The following TTLL11 variants were observed in gnomAD, a reference collection of about 807,000 sequenced individuals.
TTLL11 encodes the protein tubulin polyglutamylase TTLL11.
Under a neutral mutation model 51.7 loss-of-function variants are expected in TTLL11, and 42 were observed. The observed-to-expected ratio is 0.81, with a 90% CI of 0.64 to 1.05. TTLL11 has a LOEUF of 1.05. Ranked by LOEUF, TTLL11 falls within the 50% of genes least tolerant of loss-of-function variation. The pLI is 0.00. For synonymous variants in TTLL11, 381 were observed against 383.5 expected, an observed-to-expected ratio of 0.99 and a Z score of 0.08; for missense variants, 799 against 940.4, an observed-to-expected ratio of 0.85 and a Z score of 1.97.
At chr9:121,986,987 T>C (rs1842958875) in intron 4 of TTLL11, among the ~76,000 whole-genome samples, 1 of 152,034 alleles carries the variant, frequency 6.6e-6, no homozygotes, top group East Asian at 1.9e-4. Context: ...TGGGTGGACC[T>C]TGGAAACCTT....
chr9:122,020,609 T>TATA (rs1297568363), intron 3 of TTLL11, among the ~76,000 whole-genome samples: 8 of 152,262 alleles, frequency 5.3e-5, no homozygotes, highest in African/African-American at 1.9e-4. Context: ...GACTATATGC[T>TATA]TGTGTTCCCA....
intron 1 of TTLL11, among the ~76,000 whole-genome samples, chr9:122,052,083 T>A (rs1383302310): frequency 6.6e-6 from 1 of 152,074 alleles, no homozygotes; most frequent in Non-Finnish European, 1.5e-5. Flanking sequence ...CTGGTGGAAA[T>A]TGATGAAATC....
At chr9:121,838,589 T>C (rs1837247942) in intron 8 of TTLL11, among the ~76,000 whole-genome samples, 1 of 151,986 alleles carries the variant, frequency 6.6e-6, no homozygotes, top group Non-Finnish European at 1.5e-5. Flanking sequence ...CGTTGTGGCA[T>C]GTGCCTGTAG....
chr9:121,928,356 A>T (rs1310738200), intron 6 of TTLL11, among the ~76,000 whole-genome samples: 1 of 152,144 alleles, frequency 6.6e-6, no homozygotes, highest in Non-Finnish European at 1.5e-5. Context: ...TAACCATGAA[A>T]CCATCACTAC....
chr9:122,060,202 G>A (rs991352241), intron 1 of TTLL11, among the ~76,000 whole-genome samples: 6 of 152,242 alleles, frequency 3.9e-5, no homozygotes, highest in Non-Finnish European at 8.8e-5. Flanking sequence ...ACAAGGCAGA[G>A]TATCATTCAA....
intron 1 of TTLL11, among the ~76,000 whole-genome samples, chr9:122,039,755 T>G (rs962288900): frequency 6.6e-6 from 1 of 152,062 alleles, no homozygotes; most frequent in African/African-American, 2.4e-5. Context: ...GAACCAGGAT[T>G]AGAGTCCAGG....
At chr9:122,000,512 A>G (rs941507767) in intron 3 of TTLL11, among the ~76,000 whole-genome samples, 2 of 151,584 alleles carry the variant, frequency 1.3e-5, no homozygotes, top group Non-Finnish European at 2.9e-5. Flanking sequence ...TTGCTGATAA[A>G]ACAGCTTGCT....
intron 1 of TTLL11, among the ~76,000 whole-genome samples, chr9:122,070,011 ACG>A (rs571086097): frequency 6.6e-6 from 1 of 151,402 alleles, no homozygotes; most frequent in African/African-American, 2.4e-5. Flanking sequence ...ACACACACAC[ACG>A]CGCACACACA....
At chr9:121,945,984 T>G (rs1841646620) in intron 6 of TTLL11, among the ~76,000 whole-genome samples, 1 of 152,136 alleles carries the variant, frequency 6.6e-6, no homozygotes, top group South Asian at 2.1e-4. Flanking sequence ...AAAAACTCTA[T>G]GTGCCAGGCC....
intron 7 of TTLL11, among the ~76,000 whole-genome samples, chr9:121,861,956 C>A (rs1305857959): frequency 6.6e-6 from 1 of 152,182 alleles, no homozygotes; most frequent in African/African-American, 2.4e-5. Context: ...TCTGTGTGGG[C>A]TGACACAGAA....
In TTLL11 at chr9:122,043,591, C is replaced by A. The variant is rs188145936; in HGVS notation, c.463-4223G>T. 1.9e-3 allele frequency among the ~76,000 whole-genome samples: 293 copies of A among 152,174 alleles called. 2 individuals are homozygous for A. Among genetic ancestry groups the A allele is most frequent in the Non-Finnish European group, 3.1e-3 (212 of 67,998 alleles). On this transcript the variant is annotated intron_variant, in intron 1 of 8. Coordinates refer to ENST00000321582, the MANE Select transcript of TTLL11 (RefSeq NM_001139442.2). ...AAATACAGAAAATATAGGAGAAAAG[C>A]TTCATAACACTAGAAATATAGAAAA...
intron 1 of TTLL11, among the ~76,000 whole-genome samples, chr9:122,041,298 C>T (rs982068660): frequency 5.3e-5 from 8 of 152,074 alleles, no homozygotes; most frequent in African/African-American, 1.2e-4. Flanking sequence ...AAAAACTGTC[C>T]GCTTACACAG....
Position 121,822,657 on chromosome 9 carries a change from G to A in TTLL11, c.2063C>T (p.Ala688Val). 1 of 1,531,506 alleles carries A rather than the reference G, an allele frequency of 6.5e-7. No homozygotes were observed. The highest frequency in any genetic ancestry group is 1.2e-5 in the South Asian group (1 of 81,002). 94.9% of individuals were successfully genotyped at this position (1,531,506 alleles called of 1,614,324 possible). A position where few individuals can be genotyped will look rare whatever the true frequency, so the allele number is the denominator to read the frequency against. The part of the protein sequence containing the change: ...PQEPSPSAQP[A>V]GDNPPPRTSC... The stretch of plus-strand genomic sequence containing the variant: ...GGTGCGGGGTGGGGGGTTGTCCCCT[G>A]CTGGCTGGGCCGAGGGGGAGGGCTC... Residue 688 changes from alanine (A) to valine (V), a missense_variant, in exon 9 of 9, where the codon GCA becomes GTA. Coordinates refer to ENST00000321582, the MANE Select transcript of TTLL11 (RefSeq NM_001139442.2). The surrounding 1 kb of genome is among the most constrained non-coding windows in gnomAD (Gnocchi z 5.8).
At chr9:121,930,694 G>C (rs998390586) in intron 6 of TTLL11, among the ~76,000 whole-genome samples, 2 of 152,218 alleles carry the variant, frequency 1.3e-5, no homozygotes, top group African/African-American at 4.8e-5. Context: ...TGCTGTCCCA[G>C]GTCTGCCACG....
intron 1 of TTLL11, among the ~76,000 whole-genome samples, chr9:122,050,041 G>C (rs1564375156): frequency 6.6e-6 from 1 of 152,034 alleles, no homozygotes; most frequent in Non-Finnish European, 1.5e-5. Flanking sequence ...ACCAAGCGTG[G>C]ACCAGCGAGA....
chr9:121,961,435 T>C (rs1475265233), intron 6 of TTLL11, among the ~76,000 whole-genome samples: 1 of 151,090 alleles, frequency 6.6e-6, no homozygotes, highest in Non-Finnish European at 1.5e-5. Context: ...AAAAAAAAAG[T>C]ACGGAGAGTG....
intron 3 of TTLL11, among the ~76,000 whole-genome samples, chr9:121,993,077 G>A (rs764052890): frequency 7.9e-5 from 12 of 151,456 alleles, no homozygotes; most frequent in African/African-American, 2.4e-5. Flanking sequence ...ACCTAGAGCA[G>A]TCAAATTCAT....
chr9:121,918,062 C>T (rs985751174), intron 6 of TTLL11, among the ~76,000 whole-genome samples: 30 of 151,998 alleles, frequency 2.0e-4, no homozygotes, highest in African/African-American at 7.0e-4. Flanking sequence ...AGGTGGGCCT[C>T]GGTTTACCCA....
chr9:121,899,585 G>A (rs1383858724), intron 6 of TTLL11, among the ~76,000 whole-genome samples: 1 of 151,426 alleles, frequency 6.6e-6, no homozygotes, highest in Non-Finnish European at 1.5e-5. Flanking sequence ...TTTATTTTTT[G>A]TAGAGACAGG....
Sources: gnomAD v4.1 joint callset for allele counts (sites outside exome capture counted in the v4.1 genomes callset) on GRCh38, gnomAD v4.1.1 for gene constraint, Gnocchi (gnomAD v3.1) non-coding constraint, MANE v1.5 for transcripts, NCBI Gene and HGNC (gene_info 2026-07-23, HGNC 2026-07-21) for gene names.